The following PAQR5 variants were observed in gnomAD, a reference collection of about 807,000 sequenced individuals.
PAQR5 encodes progestin and adipoQ receptor family member 5.
Under a neutral mutation model 34.5 loss-of-function variants are expected in PAQR5, and 20 were observed. The ratio of observed to expected loss-of-function variants is 0.58; its 90% CI spans 0.41 to 0.84. PAQR5 has a LOEUF of 0.84. Ranked by LOEUF, PAQR5 falls within the 40% of genes least tolerant of loss-of-function variation. The pLI, the probability that PAQR5 is intolerant of heterozygous loss-of-function variation, is 0.00. For synonymous variants in PAQR5, 131 were observed against 155.6 expected, an observed-to-expected ratio of 0.84 and a Z score of 1.18; for missense variants, 378 against 412.7, an observed-to-expected ratio of 0.92 and a Z score of 0.73.
chr15:69,363,418 A>G (rs766370295), intron 3 of PAQR5, among the ~76,000 whole-genome samples: 22 of 152,178 alleles, frequency 1.4e-4, no homozygotes, highest in Admixed American at 1.0e-3. Flanking sequence ...GTTGATTCTT[A>G]CACAGACCCC....
At position 69,360,120 on chromosome 15, in the gene PAQR5, C is replaced by G. The variant is rs780423578; in HGVS notation, c.40C>G (p.Gln14Glu). ...GCTCCCCAGGCTGTTTAGCATAGAC[C>G]AGATACCCCAGGTATGTGCTCTATT... is the stretch of plus-strand genomic sequence containing the variant. The part of the protein sequence containing the change: ...LKLPRLFSID[Q>E]IPQVFHEQGI... Residue 14 changes from glutamine to glutamate, a missense_variant, in exon 3 of 9, where the codon CAG becomes GAG. By Grantham distance (29) the Gln-to-Glu change is conservative (BLOSUM62 2). Coordinates refer to ENST00000395407, the MANE Select transcript of PAQR5 (RefSeq NM_017705.4). The G allele has an allele frequency of 3.1e-6, 5 of 1,612,912 alleles. No individual in the cohort carries two copies. The Admixed American group carries it at 8.3e-5, about 27-fold the overall frequency.
At chr15:69,343,259 A>G (rs2054685998) in intron 2 of PAQR5, among the ~76,000 whole-genome samples, 1 of 152,252 alleles carries the variant, frequency 6.6e-6, no homozygotes, top group Non-Finnish European at 1.5e-5. Flanking sequence ...AAGAAGTGGC[A>G]TCACAGCTGG....
At chr15:69,364,556 A>ATATATGTAATATATATAC (rs1567022348) in intron 3 of PAQR5, among the ~76,000 whole-genome samples, 8 of 131,530 alleles carry the variant, frequency 6.1e-5, no homozygotes, top group East Asian at 2.4e-4. Context: ...ATATATATAT[A>ATATATGTAATATATATAC]ACGAGTTGTG....
At chr15:69,355,328 C>CTTTCTTTT (rs2055036591) in intron 2 of PAQR5, among the ~76,000 whole-genome samples, 4 of 50,732 alleles carry the variant, frequency 7.9e-5, no homozygotes, top group African/African-American at 4.1e-4. Flanking sequence ...TTCTTTCTTT[C>CTTTCTTTT]TTTCTTTCTT....
At chr15:69,366,276 A>G (rs2055400543) in intron 3 of PAQR5, among the ~76,000 whole-genome samples, 1 of 152,224 alleles carries the variant, frequency 6.6e-6, no homozygotes, top group African/African-American at 2.4e-5. Flanking sequence ...ATGCTGTAGC[A>G]TCTATCAGTA....
In PAQR5 at chr15:69,313,509, G is replaced by A. The variant is rs143566477; in HGVS notation, c.-277+14453G>A. Among the ~76,000 whole-genome samples the A allele has an allele frequency of 2.8e-3, 425 of 152,038 alleles. 4 individuals are homozygous for A. Among genetic ancestry groups the A allele is most frequent in the African/African-American group, 9.8e-3 (407 of 41,426 alleles). ...AGTGAGACTCTGTCTCAAAAACAGC[G>A]GCAACAACAACCAAATAAATAAATA... On this transcript the variant is annotated intron_variant, in intron 1 of 8. Coordinates refer to ENST00000395407, the MANE Select transcript of PAQR5 (RefSeq NM_017705.4).
rs2055041704 is a variant in PAQR5 at position 69,355,341 on chromosome 15, TTTTTTTCTTTCTTTCTTTC to T, written c.-115-4621_-115-4603del. On this transcript the variant is annotated intron_variant, in intron 2 of 8. Coordinates refer to ENST00000395407, the MANE Select transcript of PAQR5 (RefSeq NM_017705.4). ...CTTTCTTTCTTTCTTTCTTTCTTTCTTTTTTTCTTTCTTTCTTTCTTTCTTTCTTTCTTTCTTTCTTTCT... is the reference window on the plus strand; with the variant it reads ...CTTTCTTTCTTTCTTTCTTTCTTTCTTTTCTTTCTTTCTTTCTTTCTTTCT... 6.0e-3 allele frequency among the ~76,000 whole-genome samples: 277 copies of T among 46,452 alleles called. 1 individual carries two copies. Among genetic ancestry groups the T allele is most frequent in the African/African-American group, 0.017 (169 of 10,078 alleles). 30.5% of individuals were successfully genotyped at this position (46,452 alleles called of 152,430 possible). A position where few individuals can be genotyped will look rare whatever the true frequency, so the allele number is the denominator to read the frequency against.
intron 1 of PAQR5, among the ~76,000 whole-genome samples, chr15:69,304,155 AC>A (rs765943570): frequency 4.6e-5 from 7 of 151,288 alleles, no homozygotes; most frequent in East Asian, 3.9e-4. Context: ...GCCCTTCCCT[AC>A]CCCCCCATCC....
At chr15:69,372,270 G>A (rs1350940220) in intron 3 of PAQR5, among the ~76,000 whole-genome samples, 7 of 152,120 alleles carry the variant, frequency 4.6e-5, no homozygotes, top group Non-Finnish European at 8.8e-5. Context: ...TTGGCCAGGC[G>A]CGGTGGCTCA....
chr15:69,400,197 C>A, intron 8 of PAQR5, 82 bp downstream of exon 8: 1 of 1,380,184 alleles, frequency 7.2e-7, no homozygotes, highest in Non-Finnish European at 9.9e-7. Context: ...GTGCACGTAG[C>A]TGCAAAGGGC....
chr15:69,362,954 T>C (rs1228817460), intron 3 of PAQR5, among the ~76,000 whole-genome samples: 2 of 152,248 alleles, frequency 1.3e-5, no homozygotes, highest in East Asian at 3.8e-4. Flanking sequence ...TCTTGATTTC[T>C]GTTTGAAGAA....
intron 6 of PAQR5, among the ~76,000 whole-genome samples, chr15:69,395,481 C>T (rs887622493): frequency 6.6e-6 from 1 of 152,200 alleles, no homozygotes; most frequent in Non-Finnish European, 1.5e-5. Flanking sequence ...GAATGGAGCT[C>T]CACGATGCAT....
intron 5 of PAQR5, among the ~76,000 whole-genome samples, chr15:69,388,536 G>A (rs1193803578): frequency 1.3e-5 from 2 of 152,224 alleles, no homozygotes; most frequent in Non-Finnish European, 2.9e-5. Flanking sequence ...GTTTGCCCCA[G>A]TTGGCATCTG....
At chr15:69,379,440 C>A in intron 3 of PAQR5, 1 of 985,380 alleles carries the variant, frequency 1.0e-6, no homozygotes, top group Non-Finnish European at 1.2e-6. Context: ...ATCCTGGCAC[C>A]GGGGGCATCT....
At chr15:69,312,682 A>G (rs559920966) in intron 1 of PAQR5, among the ~76,000 whole-genome samples, 5 of 150,976 alleles carry the variant, frequency 3.3e-5, no homozygotes, top group African/African-American at 1.2e-4. Flanking sequence ...ACTGCTTCTG[A>G]CTTTCCAGGG....
intron 1 of PAQR5, among the ~76,000 whole-genome samples, chr15:69,312,694 C>T (rs1245265739): frequency 6.6e-6 from 1 of 151,116 alleles, no homozygotes; most frequent in African/African-American, 2.4e-5. Context: ...TTTCCAGGGG[C>T]ATTTGACTTG....
Position 69,319,812 on chromosome 15 carries a change from C to A in PAQR5, c.-276-17529C>A, listed in dbSNP as rs1358674274. On this transcript the variant is annotated intron_variant, in intron 1 of 8. Coordinates refer to ENST00000395407, the MANE Select transcript of PAQR5 (RefSeq NM_017705.4). ...AAGCCTGTCTCCTGGAAGCTCTTGT[C>A]TGGGGGTCTTGGTTCTGCTCTCAGC... Among the ~76,000 whole-genome samples the A allele has an allele frequency of 2.0e-5, 3 of 152,208 alleles. No individual in the cohort carries two copies. In the East Asian group the frequency reaches 5.8e-4, roughly 29 times the overall value.
At chr15:69,334,753 T>C (rs1473090721) in intron 1 of PAQR5, among the ~76,000 whole-genome samples, 3 of 147,204 alleles carry the variant, frequency 2.0e-5, no homozygotes, top group Admixed American at 7.0e-5. Flanking sequence ...TCAGAAGGCA[T>C]GGGAATATGG....
intron 2 of PAQR5, among the ~76,000 whole-genome samples, chr15:69,353,586 C>T (rs1399474603): frequency 1.3e-5 from 2 of 152,114 alleles, no homozygotes; most frequent in South Asian, 2.1e-4. Flanking sequence ...CAATACCTTG[C>T]AGGGCTGGGG....
Sources: gnomAD v4.1 joint callset for allele counts (sites outside exome capture counted in the v4.1 genomes callset) on GRCh38, gnomAD v4.1.1 for gene constraint, MANE v1.5 for transcripts, NCBI Gene and HGNC (gene_info 2026-07-23, HGNC 2026-07-21) for gene names.